Variants in GRID2 observed in about 807,000 individuals in gnomAD.
GRID2 encodes glutamate ionotropic receptor delta type subunit 2.
GRID2 carries 33 observed loss-of-function variants against 114.8 expected under a neutral mutation model. That is an observed-to-expected ratio of 0.29 (90% CI 0.22 to 0.38). The LOEUF is 0.38. GRID2 is among the 10% of genes least tolerant of loss of function. The pLI, the probability that GRID2 is intolerant of heterozygous loss-of-function variation, is 1.00. For missense variants in GRID2, 1,184 were observed against 1,257.7 expected, an observed-to-expected ratio of 0.94 and a Z score of 0.89; for synonymous variants, 505 against 449.9, an observed-to-expected ratio of 1.12 and a Z score of -1.55.
chr4:92,706,924 C>G (rs1734983395), intron 2 of GRID2, among the ~76,000 whole-genome samples: 1 of 152,096 alleles, frequency 6.6e-6, no homozygotes, highest in South Asian at 2.1e-4. Flanking sequence ...TTCCAGTCAT[C>G]ATTTTTAGTC....
At chr4:93,604,388 T>C (rs948356873) in intron 13 of GRID2, among the ~76,000 whole-genome samples, 2 of 152,208 alleles carry the variant, frequency 1.3e-5, no homozygotes, top group African/African-American at 4.8e-5. Context: ...AATCTTGTGA[T>C]GAAATTTGAA....
intron 4 of GRID2, among the ~76,000 whole-genome samples, chr4:93,185,504 A>T (rs1268530744): frequency 6.6e-6 from 1 of 152,190 alleles, no homozygotes; most frequent in Non-Finnish European, 1.5e-5. Flanking sequence ...TGGGAAGCTG[A>T]TGTTGCTTTC....
intron 2 of GRID2, among the ~76,000 whole-genome samples, chr4:93,037,268 G>A (rs1228964662): frequency 6.6e-6 from 1 of 152,064 alleles, no homozygotes; most frequent in Non-Finnish European, 1.5e-5. Context: ...TCTTGAGGAA[G>A]GAGAAAGAAC....
intron 13 of GRID2, among the ~76,000 whole-genome samples, chr4:93,601,735 A>G (rs1378739639): frequency 1.3e-5 from 2 of 152,050 alleles, no homozygotes; most frequent in Non-Finnish European, 2.9e-5. Flanking sequence ...GATAATGATA[A>G]TTTTTTTCAT....
chr4:93,361,467 GATTATTATTATT>G (rs149947795), intron 8 of GRID2, among the ~76,000 whole-genome samples: 13 of 147,628 alleles, frequency 8.8e-5, no homozygotes, highest in South Asian at 2.1e-4. Context: ...ATGTTACTGT[GATTATTATTATT>G]ATTATTATTA....
intron 14 of GRID2, among the ~76,000 whole-genome samples, chr4:93,636,267 C>T (rs1197785036): frequency 1.3e-5 from 2 of 152,108 alleles, no homozygotes; most frequent in Non-Finnish European, 2.9e-5. Flanking sequence ...AAGATTTGTG[C>T]TGTTTCTAGA....
At chr4:93,240,823 T>A (rs2149515974) in intron 8 of GRID2, among the ~76,000 whole-genome samples, 1 of 151,632 alleles carries the variant, frequency 6.6e-6, no homozygotes, top group Admixed American at 6.6e-5. Context: ...ACTCTTCATT[T>A]GTTTTATTGA....
At chr4:93,263,380 C>T (rs993291869) in intron 8 of GRID2, among the ~76,000 whole-genome samples, 2 of 151,954 alleles carry the variant, frequency 1.3e-5, no homozygotes, top group African/African-American at 4.8e-5. Context: ...CCTCCATCCC[C>T]CATTGTGTGG....
chr4:93,752,331 C>T (rs1234633955), intron 14 of GRID2, among the ~76,000 whole-genome samples: 1 of 151,800 alleles, frequency 6.6e-6, no homozygotes, highest in East Asian at 1.9e-4. Context: ...ATTTCACCCA[C>T]GTTTTCCTAA....
At chr4:93,701,904 C>T (rs887612577) in intron 14 of GRID2, among the ~76,000 whole-genome samples, 3 of 151,608 alleles carry the variant, frequency 2.0e-5, no homozygotes, top group Admixed American at 6.6e-5. Flanking sequence ...CAAAAGCAAC[C>T]TACATATTTA....
intron 1 of GRID2, among the ~76,000 whole-genome samples, chr4:92,504,760 G>C (rs922714066): frequency 2.6e-5 from 4 of 151,820 alleles, no homozygotes; most frequent in Non-Finnish European, 4.4e-5. Context: ...TGGCATCCAA[G>C]ATTTCATTAA....
intron 1 of GRID2, among the ~76,000 whole-genome samples, chr4:92,481,411 T>A (rs1353171576): frequency 6.6e-6 from 1 of 152,172 alleles, no homozygotes; most frequent in African/African-American, 2.4e-5. Context: ...ACTATTTAAA[T>A]GATTCTCTAG....
At chr4:92,474,231 A>G (rs1299251269) in intron 1 of GRID2, among the ~76,000 whole-genome samples, 2 of 151,804 alleles carry the variant, frequency 1.3e-5, no homozygotes, top group Non-Finnish European at 2.9e-5. Flanking sequence ...ATGAATTTGG[A>G]TTTTTTAGAT....
chr4:92,395,955 C>T (rs185593446), intron 1 of GRID2, among the ~76,000 whole-genome samples: 6 of 151,784 alleles, frequency 4.0e-5, no homozygotes, highest in East Asian at 3.9e-4. Context: ...TTTTGAAATA[C>T]GTAATAACCT....
Position 92,940,025 on chromosome 4 carries a change from C to G in GRID2, c.245-144970C>G, listed in dbSNP as rs568988802. Among the ~76,000 whole-genome samples the G allele has an allele frequency of 6.1e-5, 9 of 147,122 alleles. No homozygotes were observed. In the South Asian group the frequency reaches 2.1e-3, roughly 34 times the overall value. On this transcript the variant is annotated intron_variant, in intron 2 of 15. Transcript: ENST00000282020. The stretch of plus-strand genomic sequence containing the variant: ...GATGCCTCTAGCTTTGTTCTTTTGG[C>G]TTAGAATTGACTTGGCGATGCAGGC...
chr4:93,737,478 A>G (rs1057367822), intron 14 of GRID2, among the ~76,000 whole-genome samples: 1 of 152,072 alleles, frequency 6.6e-6, no homozygotes, highest in African/African-American at 2.4e-5. Context: ...TAGTTCCAGC[A>G]TTTGGGGAGG....
At chr4:93,484,080 TTC>T (rs1180938584) in intron 11 of GRID2, among the ~76,000 whole-genome samples, 2 of 151,868 alleles carry the variant, frequency 1.3e-5, no homozygotes, top group African/African-American at 2.4e-5. Flanking sequence ...AAATTCACTA[TTC>T]TCTCTCCTTA....
In GRID2 at chr4:93,772,110, G is replaced by A; in HGVS notation, c.2636G>A (p.Arg879Lys). 1 of 1,612,158 alleles carries A rather than the reference G, an allele frequency of 6.2e-7. No individual in the cohort carries two copies. The highest frequency in any genetic ancestry group is 1.1e-5 in the South Asian group (1 of 91,018). The change falls in exon 16 of 16, where the codon AGA becomes AAA. Residue 879 changes from arginine to lysine, a missense_variant. Arg to Lys is a conservative substitution (Grantham distance 26, BLOSUM62 2). Transcript: ENST00000282020. Reference protein sequence around the residue: ...DKEIDLEHLHRRVNSLCTDDD... With the variant: ...DKEIDLEHLHKRVNSLCTDDD... ...GAAATTGACCTGGAGCACCTCCATA[G>A]ACGTGTAAATAGCTTGTGCACAGAT...
chr4:93,476,720 G>A (rs190930533), intron 11 of GRID2, among the ~76,000 whole-genome samples: 49 of 152,186 alleles, frequency 3.2e-4, no homozygotes, highest in South Asian at 3.1e-3. Flanking sequence ...AAAATGCTAC[G>A]TAGTAGAAAC....
Sources: allele counts gnomAD v4.1 joint callset (sites outside exome capture counted in the v4.1 genomes callset), GRCh38; gene constraint gnomAD v4.1.1; transcripts MANE v1.5; gene names NCBI Gene and HGNC (gene_info 2026-07-23, HGNC 2026-07-21).